Variants in PLPPR1 observed in about 807,000 individuals in gnomAD.
PLPPR1 encodes phospholipid phosphatase related 1.
A neutral mutation model predicts 33.1 loss-of-function variants in PLPPR1; 10 were observed. That is an observed-to-expected ratio of 0.30 (90% CI 0.19 to 0.51). PLPPR1 has a LOEUF of 0.51. Among genes scored for constraint, PLPPR1 ranks in the 20% least tolerant of loss-of-function variants. The pLI is 0.97. For missense variants in PLPPR1, 304 were observed against 408.1 expected, an observed-to-expected ratio of 0.74 and a Z score of 2.20; for synonymous variants, 151 against 151.0, an observed-to-expected ratio of 1.00 and a Z score of 0.00.
At chr9:101,291,471 T>C (rs551814191) in intron 4 of PLPPR1, among the ~76,000 whole-genome samples, 82 of 152,272 alleles carry the variant, frequency 5.4e-4, no homozygotes, top group African/African-American at 1.9e-3. Flanking sequence ...GATCTGAGAA[T>C]GGGCAGACTG....
At chr9:101,063,138 A>C (rs1382206487) in intron 1 of PLPPR1, among the ~76,000 whole-genome samples, 1 of 152,124 alleles carries the variant, frequency 6.6e-6, no homozygotes. Flanking sequence ...TAAGACTTTC[A>C]GAAAGTGTAA....
chr9:101,247,488 G>A (rs914196106), intron 2 of PLPPR1, among the ~76,000 whole-genome samples: 1 of 152,046 alleles, frequency 6.6e-6, no homozygotes, highest in African/African-American at 2.4e-5. Context: ...TTCTGATGGG[G>A]TTGACAGTTA....
At chr9:101,269,672 T>G in intron 2 of PLPPR1, 1 of 595,214 alleles carries the variant, frequency 1.7e-6, no homozygotes, top group East Asian at 2.8e-5. Context: ...GAGCTGCTCA[T>G]TATTTGCTGG....
intron 1 of PLPPR1, among the ~76,000 whole-genome samples, chr9:101,071,302 T>C (rs1830479645): frequency 6.6e-6 from 1 of 152,052 alleles, no homozygotes; most frequent in African/African-American, 2.4e-5. Context: ...CTGTAGGCAG[T>C]GCTGAGGAAG....
chr9:101,044,869 G>A (rs995365493), intron 1 of PLPPR1, among the ~76,000 whole-genome samples: 2 of 152,090 alleles, frequency 1.3e-5, no homozygotes, highest in Admixed American at 1.3e-4. Flanking sequence ...TACCTAATTT[G>A]CCCAAAATTA....
At chr9:101,153,080 A>T (rs965819787) in intron 1 of PLPPR1, among the ~76,000 whole-genome samples, 11 of 152,106 alleles carry the variant, frequency 7.2e-5, no homozygotes, top group African/African-American at 2.4e-4. Context: ...TTCCTTGAGC[A>T]GTGGTTTGTA....
chr9:101,112,528 A>G (rs1173156970), intron 1 of PLPPR1, among the ~76,000 whole-genome samples: 1 of 152,190 alleles, frequency 6.6e-6, no homozygotes, highest in Non-Finnish European at 1.5e-5. Context: ...TTAATACAGA[A>G]GCTATCTCTT....
intron 1 of PLPPR1, among the ~76,000 whole-genome samples, chr9:101,043,568 ACATT>A (rs2118425760): frequency 6.6e-6 from 1 of 152,048 alleles, no homozygotes; most frequent in South Asian, 2.1e-4. Flanking sequence ...GGCTGTTTCT[ACATT>A]TTTGCAATTG....
intron 1 of PLPPR1, among the ~76,000 whole-genome samples, chr9:101,041,682 T>TA (rs778330718): frequency 6.6e-6 from 1 of 152,120 alleles, no homozygotes; most frequent in Admixed American, 6.5e-5. Context: ...TTTGGGGCCA[T>TA]AAAGAAGCTT....
chr9:101,276,019 G>A (rs953130053), intron 3 of PLPPR1, among the ~76,000 whole-genome samples: 2 of 152,130 alleles, frequency 1.3e-5, no homozygotes, highest in Non-Finnish European at 2.9e-5. Context: ...GCACAGTGCA[G>A]ATCACAAAGT....
At chr9:101,117,744 G>A (rs1300843666) in intron 1 of PLPPR1, among the ~76,000 whole-genome samples, 3 of 151,806 alleles carry the variant, frequency 2.0e-5, no homozygotes, top group Admixed American at 2.0e-4. Context: ...AAGTCTTAGT[G>A]TCCTTCTCTT....
chr9:101,303,106 C>T (rs1219984056), intron 4 of PLPPR1, among the ~76,000 whole-genome samples: 1 of 151,846 alleles, frequency 6.6e-6, no homozygotes, highest in Non-Finnish European at 1.5e-5. Context: ...CCTGCCTCAG[C>T]CTCCTGAGTA....
At chr9:101,257,134 A>G (rs982076571) in intron 2 of PLPPR1, among the ~76,000 whole-genome samples, 3 of 152,090 alleles carry the variant, frequency 2.0e-5, no homozygotes, top group African/African-American at 7.2e-5. Context: ...GTAGGCCCTG[A>G]GAATCTTCCA....
intron 4 of PLPPR1, among the ~76,000 whole-genome samples, chr9:101,296,275 C>T (rs957938663): frequency 6.6e-6 from 1 of 151,710 alleles, no homozygotes; most frequent in Admixed American, 6.6e-5. Flanking sequence ...GTTAGAATGG[C>T]AATCATTAAA....
In PLPPR1 at chr9:101,064,819, G is replaced by A. The variant is rs148854106; in HGVS notation, c.-46+35717G>A. On this transcript the variant is annotated intron_variant, in intron 1 of 7. Transcript: ENST00000374874. ...GGGGACTCTGCAGAGTTTTGAGGTCGCTCAGGGAGTCTCATGGAAAGGGGG... is the reference window on the plus strand; with the variant it reads ...GGGGACTCTGCAGAGTTTTGAGGTCACTCAGGGAGTCTCATGGAAAGGGGG... 3.9e-3 allele frequency among the ~76,000 whole-genome samples: 589 copies of A among 152,062 alleles called. 7 individuals are homozygous for A. The highest frequency in any genetic ancestry group is 0.013 in the African/African-American group (555 of 41,502).
At chr9:101,176,110 G>T (rs1247836435) in intron 1 of PLPPR1, among the ~76,000 whole-genome samples, 1 of 152,180 alleles carries the variant, frequency 6.6e-6, no homozygotes, top group Non-Finnish European at 1.5e-5. Context: ...AAGCCTGCTT[G>T]TTCTAGCCAA....
At chr9:101,253,641 G>A (rs979864244) in intron 2 of PLPPR1, among the ~76,000 whole-genome samples, 1 of 151,992 alleles carries the variant, frequency 6.6e-6, no homozygotes, top group Non-Finnish European at 1.5e-5. Context: ...ACCATAAATT[G>A]AGAAAGGCAG....
At chr9:101,265,688 G>C (rs1827977447) in intron 2 of PLPPR1, among the ~76,000 whole-genome samples, 2 of 152,170 alleles carry the variant, frequency 1.3e-5, no homozygotes, top group African/African-American at 2.4e-5. Context: ...ATGTGCATCA[G>C]TTTCCTTTAA....
At chr9:101,120,058 A>G (rs1465158603) in intron 1 of PLPPR1, among the ~76,000 whole-genome samples, 1 of 152,242 alleles carries the variant, frequency 6.6e-6, no homozygotes, top group Non-Finnish European at 1.5e-5. Flanking sequence ...CTTACTGGCT[A>G]AAACAGGTCT....
Sources: allele counts gnomAD v4.1 joint callset (sites outside exome capture counted in the v4.1 genomes callset), GRCh38; gene constraint gnomAD v4.1.1; transcripts MANE v1.5; gene names NCBI Gene and HGNC (gene_info 2026-07-23, HGNC 2026-07-21).